The following ZFAND3 variants were observed in gnomAD, a reference collection of about 807,000 sequenced individuals.
The protein encoded by ZFAND3 is AN1-type zinc finger protein 3.
In ZFAND3, 10 loss-of-function variants were observed where a neutral mutation model predicts 29.6. The observed-to-expected ratio is 0.34, with a 90% CI of 0.21 to 0.57. The LOEUF (loss-of-function observed/expected upper bound fraction) is 0.57. ZFAND3 is among the 20% of genes least tolerant of loss of function. ZFAND3 has a pLI of 0.86. For synonymous variants in ZFAND3, 128 were observed against 112.6 expected, an observed-to-expected ratio of 1.14 and a Z score of -0.87; for missense variants, 230 against 304.5, an observed-to-expected ratio of 0.76 and a Z score of 1.82.
chr6:37,830,261 G>A (rs1763836181), intron 1 of ZFAND3, among the ~76,000 whole-genome samples: 1 of 152,166 alleles, frequency 6.6e-6, no homozygotes, highest in Non-Finnish European at 1.5e-5. Context: ...GGGCAAGGGG[G>A]ATGAGGATGG....
chr6:38,070,666 C>T (rs1008063386), intron 3 of ZFAND3, among the ~76,000 whole-genome samples: 1 of 152,048 alleles, frequency 6.6e-6, no homozygotes, highest in Non-Finnish European at 1.5e-5. Flanking sequence ...GCTAATGGTG[C>T]ATATGTTATT....
At chr6:38,105,795 T>G (rs937971911) in intron 4 of ZFAND3, among the ~76,000 whole-genome samples, 5 of 152,116 alleles carry the variant, frequency 3.3e-5, no homozygotes, top group Non-Finnish European at 5.9e-5. Flanking sequence ...CATTTAATAA[T>G]AAAAAGAAAA....
chr6:38,072,112 G>A (rs1764465760), intron 3 of ZFAND3, among the ~76,000 whole-genome samples: 3 of 149,472 alleles, frequency 2.0e-5, no homozygotes, highest in Non-Finnish European at 4.4e-5. Flanking sequence ...TCAGACTTTT[G>A]GAATAATGAG....
At chr6:37,830,634 A>G (rs139601681) in intron 1 of ZFAND3, among the ~76,000 whole-genome samples, 2 of 152,310 alleles carry the variant, frequency 1.3e-5, no homozygotes, top group African/African-American at 2.4e-5. Flanking sequence ...TTAAAGAAAA[A>G]TGCTTCATGG....
chr6:37,910,950 G>A (rs1765510062), intron 1 of ZFAND3, among the ~76,000 whole-genome samples: 1 of 152,074 alleles, frequency 6.6e-6, no homozygotes, highest in Non-Finnish European at 1.5e-5. Context: ...CCATTAATGG[G>A]CACTTAGGTT....
At chr6:37,950,376 CTTG>C (rs1581786274) in intron 2 of ZFAND3, among the ~76,000 whole-genome samples, 2 of 146,474 alleles carry the variant, frequency 1.4e-5, no homozygotes, top group Non-Finnish European at 3.0e-5. Context: ...TTTTTGTTGA[CTTG>C]TTTTTTTTTT....
intron 1 of ZFAND3, among the ~76,000 whole-genome samples, chr6:37,840,669 A>T (rs1055031136): frequency 6.6e-6 from 1 of 152,220 alleles, no homozygotes; most frequent in Non-Finnish European, 1.5e-5. Flanking sequence ...AATTTGGGGA[A>T]TGTCTCCATA....
At chr6:37,854,211 A>G (rs1764335333) in intron 1 of ZFAND3, among the ~76,000 whole-genome samples, 1 of 152,142 alleles carries the variant, frequency 6.6e-6, no homozygotes, top group African/African-American at 2.4e-5. Flanking sequence ...TCAGCCTCCC[A>G]AAGTGCTGGG....
chr6:38,082,514 GC>G, intron 4 of ZFAND3, 57 bp downstream of exon 4: 5 of 1,542,062 alleles, frequency 3.2e-6, no homozygotes, highest in Non-Finnish European at 4.4e-6. Flanking sequence ...ACAGAAGTTA[GC>G]AACTGGTTCT....
chr6:37,931,733 A>AT (rs574184396), intron 2 of ZFAND3, among the ~76,000 whole-genome samples: 130 of 151,838 alleles, frequency 8.6e-4, no homozygotes, highest in African/African-American at 2.8e-3. Flanking sequence ...TATTAAAGAG[A>AT]TTTTTTTTGT....
chr6:37,953,700 C>T (rs1053219679), intron 2 of ZFAND3, among the ~76,000 whole-genome samples: 1 of 152,068 alleles, frequency 6.6e-6, no homozygotes, highest in Non-Finnish European at 1.5e-5. Context: ...TGTCCTCCTT[C>T]CTTGACCCCA....
At chr6:38,112,108 G>A (rs1261471846) in intron 4 of ZFAND3, among the ~76,000 whole-genome samples, 2 of 152,164 alleles carry the variant, frequency 1.3e-5, no homozygotes, top group Non-Finnish European at 2.9e-5. Flanking sequence ...ATCACATTAT[G>A]ATTCTTGATC....
intron 2 of ZFAND3, chr6:38,003,202 T>G (rs1762981033): frequency 6.5e-6 from 1 of 153,518 alleles, no homozygotes; most frequent in Admixed American, 6.5e-5. Flanking sequence ...ATGGTTACAT[T>G]TTCTTTATGT....
At chr6:38,124,508 A>C (rs1765595148) in intron 5 of ZFAND3, among the ~76,000 whole-genome samples, 1 of 152,130 alleles carries the variant, frequency 6.6e-6, no homozygotes, top group South Asian at 2.1e-4. Flanking sequence ...GCCCGGTGAG[A>C]AATCGAGCGC....
chr6:38,051,649 C>T (rs1012652850), intron 2 of ZFAND3, among the ~76,000 whole-genome samples: 5 of 152,204 alleles, frequency 3.3e-5, no homozygotes, highest in African/African-American at 1.2e-4. Flanking sequence ...AGTTTTTCCA[C>T]AATATGCCAA....
In ZFAND3 at chr6:38,144,198, TATATATATATATAATATATAATATA is replaced by T. The variant is rs1766035786; in HGVS notation, c.530-8036_530-8012del. Among the ~76,000 whole-genome samples the T allele has an allele frequency of 7.5e-5, 3 of 40,250 alleles. No individual in the cohort carries two copies. In the East Asian group the frequency reaches 1.0e-3, roughly 14 times the overall value. 26.4% of individuals were successfully genotyped at this position (40,250 alleles called of 152,430 possible). ...TATATATATATAATATATATATATATATATATATATATAATATATAATATATATATATATTTTTTTTTTAATAAGG... is the reference window on the plus strand; with the variant it reads ...TATATATATATAATATATATATATATTATATATATTTTTTTTTTAATAAGG... On this transcript the variant is annotated intron_variant, in intron 5 of 5. Transcript: ENST00000287218.
chr6:38,048,621 C>CAAAAAAA (rs70981521), intron 2 of ZFAND3, among the ~76,000 whole-genome samples: 6,660 of 56,236 alleles, frequency 0.12, 1,106 homozygotes, highest in Middle Eastern at 0.19. Context: ...GACTCCGTCT[C>CAAAAAAA]AAAAAAAAAA....
intron 2 of ZFAND3, among the ~76,000 whole-genome samples, chr6:38,001,540 T>G (rs1762948591): frequency 6.6e-6 from 1 of 152,252 alleles, no homozygotes; most frequent in Admixed American, 6.5e-5. Context: ...TCTTATCTTT[T>G]AGTGGGCTTT....
At chr6:37,865,410 A>C (rs181829991) in intron 1 of ZFAND3, among the ~76,000 whole-genome samples, 3 of 152,196 alleles carry the variant, frequency 2.0e-5, no homozygotes, top group African/African-American at 7.2e-5. Flanking sequence ...GGTTGAATCC[A>C]TGGATGCAGA....
Sources: gnomAD v4.1 joint callset for allele counts (sites outside exome capture counted in the v4.1 genomes callset) on GRCh38, gnomAD v4.1.1 for gene constraint, MANE v1.5 for transcripts, NCBI Gene and HGNC (gene_info 2026-07-23, HGNC 2026-07-21) for gene names.